Variants in NODAL observed in about 807,000 individuals in gnomAD.
NODAL encodes nodal growth differentiation factor.
A neutral mutation model predicts 34.0 loss-of-function variants in NODAL; 12 were observed. The observed-to-expected ratio is 0.35, with a 90% CI of 0.23 to 0.57. NODAL has a LOEUF of 0.57. NODAL is among the 20% of genes least tolerant of loss of function. The pLI is 0.83. For missense variants in NODAL, 390 were observed against 444.2 expected, an observed-to-expected ratio of 0.88 and a Z score of 1.10; for synonymous variants, 162 against 186.4, an observed-to-expected ratio of 0.87 and a Z score of 1.07.
Position 70,432,695 on chromosome 10 carries a change from A to G in NODAL, c.*241T>C. The G allele has an allele frequency of 1.8e-6, 1 of 558,024 alleles. No homozygotes were observed. The highest frequency in any genetic ancestry group is 3.0e-5 in the Admixed American group (1 of 32,990). 34.6% of individuals were successfully genotyped at this position (558,024 alleles called of 1,614,324 possible). ...CCACTGTCTTTTCAGTAAAGAGAAC[A>G]TCCAGCCAGCCCCCTGCACAGGCTT... On this transcript the variant is annotated 3_prime_UTR_variant, in exon 3 of 3. Transcript: ENST00000287139.
chr10:70,437,139 T>C (rs1845366725), intron 1 of NODAL, among the ~76,000 whole-genome samples: 1 of 152,192 alleles, frequency 6.6e-6, no homozygotes, highest in Non-Finnish European at 1.5e-5. Flanking sequence ...GATTTGTGGA[T>C]TTTCAGGTGA....
chr10:70,441,653 G>A lies in NODAL; in HGVS notation c.15C>T (p.Cys5=). The A allele has an allele frequency of 6.5e-7, 1 of 1,549,976 alleles. No individual in the cohort carries two copies. Among genetic ancestry groups the A allele is most frequent in the Non-Finnish European group, 8.7e-7 (1 of 1,147,370 alleles). The stretch of plus-strand genomic sequence containing the variant: ...ACCAGGCGTGCAGAAGGAAGGGCAG[G>A]CAGTGGGCGTGCATGGTGGGCTGGC... The part of the protein sequence containing the change: MHAH[C]LPFLLHAWWA... The change falls in exon 1 of 3, where the codon TGC becomes TGT. Residue 5 remains cysteine (C), a synonymous_variant. Coordinates refer to ENST00000287139, the MANE Select transcript of NODAL (RefSeq NM_018055.5).
At chr10:70,442,032 T>A (rs1211454004), upstream of NODAL, among the ~76,000 whole-genome samples, 1 of 152,178 alleles carries the variant, frequency 6.6e-6, no homozygotes, top group East Asian at 1.9e-4. Context: ...CGACCTCACC[T>A]GGGATCCCTG....
At chr10:70,436,416 A>C (rs1845354414) in intron 1 of NODAL, 1 of 264,776 alleles carries the variant, frequency 3.8e-6, no homozygotes, top group African/African-American at 2.2e-5. Context: ...TCTACTAAAA[A>C]TACAAAATTA....
chr10:70,438,417 G>A (rs1304132759), intron 1 of NODAL, among the ~76,000 whole-genome samples: 1 of 152,174 alleles, frequency 6.6e-6, no homozygotes, highest in Non-Finnish European at 1.5e-5. Flanking sequence ...GTTTGACTTT[G>A]GTCAGGCTAC....
At chr10:70,436,446 G>A (rs1254774544) in intron 1 of NODAL, 3 of 238,858 alleles carry the variant, frequency 1.3e-5, no homozygotes, top group South Asian at 5.9e-5. Flanking sequence ...GGTGGTTTGC[G>A]CCTGTAATCC....
chr10:70,444,948 C>T (rs2132222780), upstream of NODAL, among the ~76,000 whole-genome samples: 1 of 152,214 alleles, frequency 6.6e-6, no homozygotes, highest in East Asian at 1.9e-4. Context: ...AGGTCATGCA[C>T]ATATAAATAC....
rs934147929 is a variant in NODAL, at chr10:70,432,452, T to C, written c.*484A>G. 1.0e-5 allele frequency: 2 copies of C among 198,794 alleles called. No homozygotes were observed. Among genetic ancestry groups the C allele is most frequent in the Non-Finnish European group, 2.1e-5 (2 of 95,786 alleles). 12.3% of individuals were successfully genotyped at this position (198,794 alleles called of 1,614,324 possible). A position where few individuals can be genotyped will look rare whatever the true frequency, so the allele number is the denominator to read the frequency against. ...CCCAACCCAGCCTGAGGCAATGAGA[T>C]TGACGGACTCTTTTTAATCTATACA... On this transcript the variant is annotated 3_prime_UTR_variant, in exon 3 of 3. Coordinates refer to ENST00000287139, the MANE Select transcript of NODAL (RefSeq NM_018055.5).
chr10:70,432,895 T>C lies in NODAL; in HGVS notation c.*41A>G, dbSNP rs1394715572. 1 of 1,612,200 alleles carries C rather than the reference T, an allele frequency of 6.2e-7. No homozygotes were observed. Among genetic ancestry groups the C allele is most frequent in the Non-Finnish European group, 8.5e-7 (1 of 1,178,512 alleles). ...CATGTCTTCCAGGAGTTTCCCAGCC[T>C]TCCAGAGTGCAGGCAAATCCAGTCT... On this transcript the variant is annotated 3_prime_UTR_variant, in exon 3 of 3. Coordinates refer to ENST00000287139, the MANE Select transcript of NODAL (RefSeq NM_018055.5).
intron 1 of NODAL, among the ~76,000 whole-genome samples, chr10:70,447,661 A>G (rs1247400687): frequency 1.0e-4 from 1 of 9,804 alleles, no homozygotes; most frequent in Non-Finnish European, 8.7e-4. Context: ...ACCCTGTCTC[A>G]GGAAAAAAAA....
chr10:70,437,561 A>T (rs1752903361), intron 1 of NODAL, among the ~76,000 whole-genome samples: 1 of 152,190 alleles, frequency 6.6e-6, no homozygotes, highest in Admixed American at 6.5e-5. Context: ...AGAAATAAAG[A>T]GGTTTGAAGG....
Position 70,441,483 on chromosome 10 carries a change from T to A in NODAL, c.185A>T (p.Gln62Leu). Residue 62 changes from glutamine (Q) to leucine (L), a missense_variant, in exon 1 of 3, where the codon CAG becomes CTG. Transcript: ENST00000287139. The part of the protein sequence containing the change: ...LPRADIIRSL[Q>L]AEDVAVDGQN... ...CACGCGGCACTGCCTACCTTCTGCCTGTAGGCTGCGGATGATGTCTGCCCT... is the reference window on the plus strand; with the variant it reads ...CACGCGGCACTGCCTACCTTCTGCCAGTAGGCTGCGGATGATGTCTGCCCT... 1.3e-6 allele frequency: 2 copies of A among 1,584,766 alleles called. No individual in the cohort carries two copies. The highest frequency in any genetic ancestry group is 1.7e-6 in the Non-Finnish European group (2 of 1,167,492).
In NODAL at chr10:70,432,935, A is replaced by G; in HGVS notation, c.*1T>C. The G allele has an allele frequency of 6.2e-7, 1 of 1,614,102 alleles. No individual in the cohort carries two copies. Among genetic ancestry groups the G allele is most frequent in the Non-Finnish European group, 8.5e-7 (1 of 1,180,008 alleles). The stretch of plus-strand genomic sequence containing the variant: ...AAATCCAGTCTCCCTCCAGGATGTC[A>G]TCAGAGGCACCCACATTCTTCCACG... On this transcript the variant is annotated 3_prime_UTR_variant, in exon 3 of 3. Coordinates refer to ENST00000287139, the MANE Select transcript of NODAL (RefSeq NM_018055.5).
rs773193349 is a variant in NODAL, at chr10:70,433,048, G to A, written c.932C>T (p.Thr311Ile). The A allele has an allele frequency of 1.4e-5, 23 of 1,613,960 alleles. No homozygotes were observed. The highest frequency in any genetic ancestry group is 1.8e-5 in the Non-Finnish European group (21 of 1,180,034). Residue 311 changes from threonine (T) to isoleucine (I), a missense_variant, in exon 3 of 3, where the codon ACT becomes ATT. By Grantham distance (89) the Thr-to-Ile change is moderately conservative (BLOSUM62 -1). Transcript: ENST00000287139. ...CTTGGTCTTCACTGGGGCACAACAA[G>A]TGGAAGGGACTCGGTGGGGCTGGTA... ...KRYQPHRVPS[T>I]CCAPVKTKPL...
In NODAL at chr10:70,432,362, C is replaced by T. The variant is rs1303025411; in HGVS notation, c.*574G>A. On this transcript the variant is annotated 3_prime_UTR_variant, in exon 3 of 3. Coordinates refer to ENST00000287139, the MANE Select transcript of NODAL (RefSeq NM_018055.5). ...TGTACAGCTCATTAGCAGAGAACCA[C>T]TCCAGTGAGCCTCTGGACAAGGCCA... is the stretch of plus-strand genomic sequence containing the variant. 5.7e-6 allele frequency: 1 copy of T among 175,206 alleles called. No homozygotes were observed. Among genetic ancestry groups the T allele is most frequent in the Non-Finnish European group, 1.2e-5 (1 of 80,736 alleles). The allele number at this position is 175,206 out of a possible 1,614,324, so 10.9% of individuals were successfully genotyped here. A position where few individuals can be genotyped will look rare whatever the true frequency, so the allele number is the denominator to read the frequency against.
In NODAL at chr10:70,435,242, G is replaced by A. The variant is rs187711450; in HGVS notation, c.891+44C>T. On this transcript the variant is annotated intron_variant, in intron 2 of 2. Coordinates refer to ENST00000287139, the MANE Select transcript of NODAL (RefSeq NM_018055.5). Reference sequence around the variant, plus strand: ...GCAAAGCTAGAGCCCTGTCCCCCAAGGCCAGCTTACTGCCTCCCCTCCCCC... The same window carrying A: ...GCAAAGCTAGAGCCCTGTCCCCCAAAGCCAGCTTACTGCCTCCCCTCCCCC... The A allele has an allele frequency of 2.0e-4, 308 of 1,526,188 alleles. 1 individual carries two copies. The African/African-American group carries it at 3.8e-3, about 19-fold the overall frequency. The allele number at this position is 1,526,188 out of a possible 1,614,324, so 94.5% of individuals were successfully genotyped here. A position where few individuals can be genotyped will look rare whatever the true frequency, so the allele number is the denominator to read the frequency against.
intron 2 of NODAL, among the ~76,000 whole-genome samples, chr10:70,434,237 A>G (rs1358371695): frequency 6.6e-6 from 1 of 152,180 alleles, no homozygotes; most frequent in Non-Finnish European, 1.5e-5. Flanking sequence ...GATCCACCAT[A>G]TTAGGTTATA....
At chr10:70,441,737 C>T, upstream of NODAL, 2 of 1,472,700 alleles carry the variant, frequency 1.4e-6, no homozygotes, top group Non-Finnish European at 1.8e-6. Context: ...CCGCCCCGCC[C>T]CCACCTTTCC....
intron 1 of NODAL, among the ~76,000 whole-genome samples, chr10:70,438,981 A>AT (rs1464979902): frequency 6.6e-6 from 1 of 152,174 alleles, no homozygotes; most frequent in Non-Finnish European, 1.5e-5. Context: ...AGCCACACAG[A>AT]TGCCCCTGAT....
Sources: allele counts gnomAD v4.1 joint callset (sites outside exome capture counted in the v4.1 genomes callset), GRCh38; gene constraint gnomAD v4.1.1; transcripts MANE v1.5; gene names NCBI Gene and HGNC (gene_info 2026-07-23, HGNC 2026-07-21).